PRUNE2: variants seen among roughly 807,000 people sequenced by gnomAD.
The protein encoded by PRUNE2 is protein prune homolog 2.
PRUNE2 carries 164 observed loss-of-function variants against 252.0 expected under a neutral mutation model. The ratio of observed to expected loss-of-function variants is 0.65; its 90% confidence interval spans 0.57 to 0.74. PRUNE2 has a LOEUF of 0.74. Among genes scored for constraint, PRUNE2 ranks in the 30% least tolerant of loss-of-function variants. The pLI, the probability that PRUNE2 is intolerant of heterozygous loss-of-function variation, is 0.00. For synonymous variants in PRUNE2, 1,292 were observed against 1,350.2 expected (o/e 0.96, Z 0.94); for missense variants, 3,495 against 3,711.0 (o/e 0.94, Z 1.51).
chr9:76,788,407 T>C (rs199908928), intron 6 of PRUNE2: 2 of 761,862 alleles, frequency 2.6e-6, no homozygotes, highest in Non-Finnish European at 2.5e-6. Flanking sequence ...CTTTCCTCTT[T>C]GTAAACTTCT....
At chr9:76,738,615 A>G (rs1273507113) in intron 6 of PRUNE2, 1 of 152,230 alleles carries the variant, frequency 6.6e-6, no homozygotes. Flanking sequence ...TAGAGGCTCA[A>G]ATTACATGAT....
At chr9:76,699,044 A>T (rs796449840) in intron 9 of PRUNE2, among the ~76,000 whole-genome samples, 2 of 23,460 alleles carry the variant, frequency 8.5e-5, no homozygotes, top group African/African-American at 1.6e-4. Context: ...CCCCACCCCC[A>T]CCCCCTCCCT....
At chr9:76,637,615 C>T (rs532730521) in intron 13 of PRUNE2, 66 bp from the exon 14 acceptor site, 9 of 1,431,390 alleles carry the variant, frequency 6.3e-6, no homozygotes, top group Admixed American at 3.8e-5. Context: ...AATTACATAA[C>T]ATCAAAAGTA....
intron 4 of PRUNE2, among the ~76,000 whole-genome samples, chr9:76,836,108 C>T (rs968272712): frequency 4.6e-5 from 7 of 152,048 alleles, no homozygotes; most frequent in African/African-American, 1.7e-4. Context: ...GAAACACACA[C>T]GCACACAAAT....
At chr9:76,893,038 G>A (rs147395478) in intron 1 of PRUNE2, among the ~76,000 whole-genome samples, 6 of 152,244 alleles carry the variant, frequency 3.9e-5, no homozygotes, top group African/African-American at 9.6e-5. Flanking sequence ...ACAAAAGTTC[G>A]AGACGAGCCT....
intron 6 of PRUNE2, among the ~76,000 whole-genome samples, chr9:76,775,581 G>A (rs75444625): frequency 0.028 from 4,330 of 152,224 alleles, 85 homozygotes; most frequent in African/African-American, 0.038. Flanking sequence ...GATTACAGGT[G>A]TGAGCTACTC....
intron 11 of PRUNE2, among the ~76,000 whole-genome samples, chr9:76,648,364 C>A (rs1845816863): frequency 6.6e-6 from 1 of 152,192 alleles, no homozygotes; most frequent in Non-Finnish European, 1.5e-5. Flanking sequence ...AAAGGCTTCA[C>A]ATGTATGTTT....
At chr9:76,869,558 A>T (rs531219067) in intron 1 of PRUNE2, among the ~76,000 whole-genome samples, 2 of 152,348 alleles carry the variant, frequency 1.3e-5, no homozygotes, top group East Asian at 3.9e-4. Flanking sequence ...AAAAATGTTT[A>T]TTAAAATACA....
intron 14 of PRUNE2, 59 bp downstream of exon 14, chr9:76,637,359 T>C: frequency 6.5e-7 from 1 of 1,532,752 alleles, no homozygotes; most frequent in African/African-American, 1.4e-5. Context: ...TACCATGTGG[T>C]TGTTTAGTCT....
In PRUNE2 at chr9:76,770,418, G is replaced by A. The variant is rs114149345; in HGVS notation, c.756+53214C>T. On this transcript the variant is annotated intron_variant, in intron 6 of 18. Transcript: ENST00000376718. ...AAACACATTTTCAATCCAATCTATT[G>A]CCTTATTTTTAAAATATGTTAATGG... Among the ~76,000 whole-genome samples the A allele has an allele frequency of 5.8e-3, 887 of 151,984 alleles. 7 individuals carry two copies. The highest frequency in any genetic ancestry group is 0.02 in the African/African-American group (840 of 41,468).
intron 6 of PRUNE2, among the ~76,000 whole-genome samples, chr9:76,756,629 T>G (rs1243260747): frequency 6.6e-6 from 1 of 152,230 alleles, no homozygotes; most frequent in Non-Finnish European, 1.5e-5. Flanking sequence ...CTGAAGGCAC[T>G]GTGGCCTCCC....
At chr9:76,847,307 T>C (rs888372038) in intron 3 of PRUNE2, among the ~76,000 whole-genome samples, 2 of 144,094 alleles carry the variant, frequency 1.4e-5, no homozygotes, top group Non-Finnish European at 3.0e-5. Flanking sequence ...GCCTGGGCAA[T>C]AGAGCGAGAA....
chr9:76,741,135 T>C (rs1216435293), intron 6 of PRUNE2, among the ~76,000 whole-genome samples: 2 of 152,228 alleles, frequency 1.3e-5, no homozygotes, highest in Non-Finnish European at 2.9e-5. Flanking sequence ...ATATGGCCTA[T>C]AAATGCACTG....
intron 6 of PRUNE2, among the ~76,000 whole-genome samples, chr9:76,753,425 G>T (rs2050804531): frequency 1.3e-5 from 2 of 152,160 alleles, no homozygotes; most frequent in African/African-American, 4.8e-5. Flanking sequence ...ATGTAGGCCT[G>T]TGTTTTCTAC....
intron 1 of PRUNE2, among the ~76,000 whole-genome samples, chr9:76,858,164 T>C (rs2060358850): frequency 6.6e-6 from 1 of 152,268 alleles, no homozygotes; most frequent in Admixed American, 6.5e-5. Flanking sequence ...AAAAATCTGC[T>C]TGTGCCAGGC....
chr9:76,860,601 C>T (rs2060494410), intron 1 of PRUNE2, among the ~76,000 whole-genome samples: 1 of 152,106 alleles, frequency 6.6e-6, no homozygotes, highest in African/African-American at 2.4e-5. Flanking sequence ...CTCAAATATC[C>T]CCAAATCTTT....
chr9:76,845,441 A>G (rs1317839374), intron 4 of PRUNE2, among the ~76,000 whole-genome samples: 1 of 152,162 alleles, frequency 6.6e-6, no homozygotes, highest in African/African-American at 2.4e-5. Context: ...CTCTGTCACA[A>G]AGATAAATGG....
chr9:76,706,272 T>C lies in PRUNE2; in HGVS notation c.6002A>G (p.Glu2001Gly), dbSNP rs370866622. The change falls in exon 8 of 19, where the codon GAA becomes GGA. Residue 2001 changes from glutamate to glycine, a missense_variant. Transcript: ENST00000376718. Reference protein sequence around the residue: ...EGQETNQWEQEKSYLGEMTNS... With the variant: ...EGQETNQWEQGKSYLGEMTNS... Reference sequence around the variant, plus strand: ...TGTCATCTCACCTAGGTATGATTTTTCTTGTTCCCACTGATTTGTTTCTTG... The same window carrying C: ...TGTCATCTCACCTAGGTATGATTTTCCTTGTTCCCACTGATTTGTTTCTTG... 3.6e-5 allele frequency: 58 copies of C among 1,613,904 alleles called. No homozygotes were observed. The African/African-American group carries it at 6.9e-4, about 19-fold the overall frequency.
intron 6 of PRUNE2, among the ~76,000 whole-genome samples, chr9:76,748,312 T>C (rs2050316385): frequency 6.6e-6 from 1 of 152,152 alleles, no homozygotes; most frequent in Admixed American, 6.5e-5. Context: ...GTTCTCAGAA[T>C]ACAAAGCTGA....
Sources: gnomAD v4.1 joint callset for allele counts (sites outside exome capture counted in the v4.1 genomes callset) on GRCh38, gnomAD v4.1.1 for gene constraint, MANE v1.5 for transcripts, NCBI Gene and HGNC (gene_info 2026-07-23, HGNC 2026-07-21) for gene names.